The following GRID2 variants were observed in gnomAD, a reference collection of about 807,000 sequenced individuals.
The protein encoded by GRID2 is glutamate receptor ionotropic, delta-2.
Under a neutral mutation model 114.8 loss-of-function variants are expected in GRID2, and 33 were observed. The ratio of observed to expected loss-of-function variants is 0.29; its 90% CI spans 0.22 to 0.38. The LOEUF is 0.38. GRID2 is among the 10% of genes least tolerant of loss of function. GRID2 has a pLI of 1.00. For missense variants in GRID2, 1,184 were observed against 1,257.7 expected (o/e 0.94, Z 0.89); for synonymous variants, 505 against 449.9 (o/e 1.12, Z -1.55).
chr4:93,718,354 G>C (rs1196500949), intron 14 of GRID2, among the ~76,000 whole-genome samples: 1 of 152,170 alleles, frequency 6.6e-6, no homozygotes, highest in Non-Finnish European at 1.5e-5. Flanking sequence ...CAACTGCTCA[G>C]TCATACCTCT....
chr4:93,052,581 T>C (rs1404481763), intron 2 of GRID2, among the ~76,000 whole-genome samples: 3 of 151,936 alleles, frequency 2.0e-5, no homozygotes, highest in African/African-American at 7.2e-5. Context: ...CATATCTATA[T>C]GTAGAAAAGT....
intron 14 of GRID2, among the ~76,000 whole-genome samples, chr4:93,681,649 T>C (rs995274268): frequency 7.9e-5 from 12 of 152,206 alleles, no homozygotes; most frequent in African/African-American, 2.9e-4. Flanking sequence ...ATCTGATCTT[T>C]GACAAACCTG....
intron 14 of GRID2, among the ~76,000 whole-genome samples, chr4:93,677,668 CAG>C (rs913918714): frequency 6.6e-6 from 1 of 152,152 alleles, no homozygotes; most frequent in African/African-American, 2.4e-5. Flanking sequence ...CCCAGGCAAA[CAG>C]GGTCTGGAGT....
intron 2 of GRID2, among the ~76,000 whole-genome samples, chr4:92,838,183 T>G (rs1399192800): frequency 3.9e-5 from 6 of 152,030 alleles, no homozygotes; most frequent in Non-Finnish European, 7.4e-5. Flanking sequence ...ATTAAGAAAA[T>G]CATTTATTTT....
chr4:93,028,136 G>A (rs1233348171), intron 2 of GRID2, among the ~76,000 whole-genome samples: 1 of 152,092 alleles, frequency 6.6e-6, no homozygotes, highest in Admixed American at 6.6e-5. Context: ...TTAGGCATGA[G>A]AACAAAATGA....
intron 14 of GRID2, among the ~76,000 whole-genome samples, chr4:93,755,732 A>G (rs1219242736): frequency 6.6e-6 from 1 of 152,226 alleles, no homozygotes; most frequent in African/African-American, 2.4e-5. Flanking sequence ...AAGTGAAGCT[A>G]GCTATCACCA....
At chr4:92,554,050 A>C (rs192136724) in intron 1 of GRID2, among the ~76,000 whole-genome samples, 171 of 152,316 alleles carry the variant, frequency 1.1e-3, no homozygotes, top group Admixed American at 6.0e-3. Flanking sequence ...CATTATGTTA[A>C]ACATGAAAAA....
At chr4:92,916,608 G>T (rs922268580) in intron 2 of GRID2, among the ~76,000 whole-genome samples, 1 of 152,084 alleles carries the variant, frequency 6.6e-6, no homozygotes, top group African/African-American at 2.4e-5. Flanking sequence ...AGAACATGTG[G>T]TGTTTGGTTT....
At chr4:92,564,884 G>C (rs995924504) in intron 1 of GRID2, among the ~76,000 whole-genome samples, 1 of 151,948 alleles carries the variant, frequency 6.6e-6, no homozygotes, top group African/African-American at 2.4e-5. Context: ...AATATGCCCT[G>C]TATCGTCAGT....
At chr4:93,270,431 A>G (rs1004144306) in intron 8 of GRID2, among the ~76,000 whole-genome samples, 1 of 152,134 alleles carries the variant, frequency 6.6e-6, no homozygotes, top group Non-Finnish European at 1.5e-5. Context: ...ATGTCCTTAC[A>G]TCAAGAACAT....
intron 1 of GRID2, among the ~76,000 whole-genome samples, chr4:92,343,476 C>T (rs762621122): frequency 8.5e-5 from 13 of 152,162 alleles, no homozygotes; most frequent in Non-Finnish European, 1.3e-4. Flanking sequence ...AACTTAACTA[C>T]TCATAGCCTA....
chr4:93,110,862 T>A lies in GRID2; in HGVS notation c.644T>A (p.Met215Lys), dbSNP rs763608474. 6 of 1,609,870 alleles carry A rather than the reference T, an allele frequency of 3.7e-6. No individual in the cohort carries two copies. The highest frequency in any genetic ancestry group is 2.2e-5 in the South Asian group (2 of 91,000). ...NKMITTLFDT[M>K]RIEELNRYRD... ...ATGATTACCACTCTCTTTGACACCA[T>A]GAGAATAGAAGAACTGAATCGCTAT... The change falls in exon 4 of 16, where the codon ATG becomes AAG. Residue 215 changes from methionine (M) to lysine (K), a missense_variant. By Grantham distance (95) the Met-to-Lys change is moderately conservative (BLOSUM62 -1). Around this residue, in one of 3 missense-constraint regions of GRID2, gnomAD observed 455 missense variants for 429.5 expected, o/e 1.06. Coordinates refer to ENST00000282020, the MANE Select transcript of GRID2 (RefSeq NM_001510.4).
rs201058028 is a variant in GRID2, at chr4:92,737,387, AT to A, written c.244+147108del. ...CAGATAGAAGAGTCTGCCCATTTCAATTTTTTTAAGCGGTTCCTAAGCTCAG... is the reference window on the plus strand; with the variant it reads ...CAGATAGAAGAGTCTGCCCATTTCAATTTTTTAAGCGGTTCCTAAGCTCAG... On this transcript the variant is annotated intron_variant, in intron 2 of 15. Transcript: ENST00000282020. Among the ~76,000 whole-genome samples, 80 of 152,114 alleles carry A rather than the reference AT, an allele frequency of 5.3e-4. 1 individual carries two copies. The East Asian group carries it at 0.011, about 21-fold the overall frequency.
At chr4:93,700,276 C>T (rs1396656889) in intron 14 of GRID2, among the ~76,000 whole-genome samples, 3 of 152,070 alleles carry the variant, frequency 2.0e-5, no homozygotes, top group Non-Finnish European at 2.9e-5. Flanking sequence ...CCATCTTATT[C>T]ATGGTTTCAT....
intron 3 of GRID2, among the ~76,000 whole-genome samples, chr4:93,106,927 C>A (rs1186476080): frequency 6.6e-6 from 1 of 152,120 alleles, no homozygotes; most frequent in Non-Finnish European, 1.5e-5. Context: ...ATATGTTAGA[C>A]CCTACACTAG....
chr4:92,430,805 T>C (rs1206951088), intron 1 of GRID2, among the ~76,000 whole-genome samples: 1 of 152,164 alleles, frequency 6.6e-6, no homozygotes, highest in African/African-American at 2.4e-5. Flanking sequence ...GTTTTCCTTG[T>C]ACAGATCTTT....
chr4:92,655,026 G>A (rs1253219722), intron 2 of GRID2, among the ~76,000 whole-genome samples: 1 of 151,826 alleles, frequency 6.6e-6, no homozygotes, highest in Non-Finnish European at 1.5e-5. Context: ...ATAAATTTAG[G>A]TTTTATTGGA....
intron 2 of GRID2, among the ~76,000 whole-genome samples, chr4:92,949,731 T>G (rs181947629): frequency 1.6e-3 from 246 of 151,972 alleles, no homozygotes; most frequent in African/African-American, 5.7e-3. Flanking sequence ...GTAAACTGTT[T>G]AGAAACCTGC....
chr4:92,824,720 C>T (rs1234091214), intron 2 of GRID2, among the ~76,000 whole-genome samples: 1 of 152,042 alleles, frequency 6.6e-6, no homozygotes, highest in East Asian at 1.9e-4. Context: ...TATGTCTACT[C>T]ATAAACTACT....
Sources: allele counts gnomAD v4.1 joint callset (sites outside exome capture counted in the v4.1 genomes callset), GRCh38; gene constraint gnomAD v4.1.1; regional missense constraint gnomAD v4.1.1; transcripts MANE v1.5; gene names NCBI Gene and HGNC (gene_info 2026-07-23, HGNC 2026-07-21).